Variants in NEDD4L observed in about 807,000 individuals in gnomAD.
NEDD4L encodes the protein E3 ubiquitin-protein ligase NEDD4-like.
In NEDD4L, 54 loss-of-function variants were observed where a neutral mutation model predicts 148.9. The ratio of observed to expected loss-of-function variants is 0.36; its 90% CI spans 0.29 to 0.45. The LOEUF is 0.45. NEDD4L is among the 20% of genes least tolerant of loss of function. The pLI, the probability that NEDD4L is intolerant of heterozygous loss-of-function variation, is 1.00. For synonymous variants in NEDD4L, 433 were observed against 440.7 expected (o/e 0.98, Z 0.22); for missense variants, 856 against 1,233.8 (o/e 0.69, Z 4.59).
At chr18:58,243,822 C>T (rs889958296) in intron 2 of NEDD4L, among the ~76,000 whole-genome samples, 1 of 151,676 alleles carries the variant, frequency 6.6e-6, no homozygotes, top group Non-Finnish European at 1.5e-5. Context: ...TAATACCTTC[C>T]AAACCATAAT....
At chr18:58,182,870 A>T (rs1018282007) in intron 2 of NEDD4L, among the ~76,000 whole-genome samples, 2 of 152,274 alleles carry the variant, frequency 1.3e-5, no homozygotes, top group Middle Eastern at 3.4e-3. Flanking sequence ...TAAATTCTGC[A>T]TTCCTTTATT....
intron 6 of NEDD4L, among the ~76,000 whole-genome samples, chr18:58,322,184 A>T (rs1004927920): frequency 6.6e-6 from 1 of 152,176 alleles, no homozygotes; most frequent in African/African-American, 2.4e-5. Context: ...TGGCAATGAC[A>T]GCTGTAATTT....
At chr18:58,369,146 T>C (rs13381932) in intron 22 of NEDD4L, among the ~76,000 whole-genome samples, 22,684 of 152,180 alleles carry the variant, frequency 0.15, 1,940 homozygotes, top group South Asian at 0.29. Context: ...GAAAGTGACT[T>C]GGCTGGAGGC....
rs759239313 is a variant in NEDD4L, at chr18:58,370,383, T to A, written c.2186-14T>A. On this transcript the variant is annotated splice_polypyrimidine_tract_variant and intron_variant, in intron 22 of 30. Coordinates refer to ENST00000400345, the MANE Select transcript of NEDD4L (RefSeq NM_001144967.3). ...AAAGACCTGAAACTAAACCCAGTGT[T>A]TACCGTGTTTTAGGTTTCTTCATTA... 2.3e-5 allele frequency: 36 copies of A among 1,565,656 alleles called. No individual in the cohort carries two copies. In the East Asian group the frequency reaches 8.1e-4, roughly 35 times the overall value.
chr18:58,387,625 T>C, intron 27 of NEDD4L, 127 bp downstream of exon 27: 1 of 1,082,584 alleles, frequency 9.2e-7, no homozygotes, highest in Non-Finnish European at 1.3e-6. Context: ...TGAATTATAT[T>C]ACATGTCTCT....
chr18:58,150,305 G>T (rs2034560617), intron 1 of NEDD4L, among the ~76,000 whole-genome samples: 1 of 152,190 alleles, frequency 6.6e-6, no homozygotes, highest in South Asian at 2.1e-4. Context: ...CATAATCTCG[G>T]CCCACTGCAA....
intron 22 of NEDD4L, among the ~76,000 whole-genome samples, chr18:58,368,115 AT>A (rs1356981664): frequency 1.3e-5 from 2 of 152,200 alleles, no homozygotes; most frequent in Admixed American, 1.3e-4. Context: ...AACATTATGT[AT>A]TTATACATTT....
rs2050760127 is a variant in NEDD4L, at chr18:58,400,172, AG to A, written c.*3906del. 1 of 152,262 alleles carries A rather than the reference AG, an allele frequency of 6.6e-6. No individual in the cohort carries two copies. The highest frequency in any genetic ancestry group is 1.5e-5 in the Non-Finnish European group (1 of 68,118). 9.4% of individuals were successfully genotyped at this position (152,262 alleles called of 1,614,324 possible). A position where few individuals can be genotyped will look rare whatever the true frequency, so the allele number is the denominator to read the frequency against. ...GTATCATTTGCTGCCTCGCCAGTAGAGGGTGCCGCTGTGCAGGGTAACTGCC... is the reference window on the plus strand; with the variant it reads ...GTATCATTTGCTGCCTCGCCAGTAGAGGTGCCGCTGTGCAGGGTAACTGCC... On this transcript the variant is annotated 3_prime_UTR_variant, in exon 31 of 31. Coordinates refer to ENST00000400345, the MANE Select transcript of NEDD4L (RefSeq NM_001144967.3).
chr18:58,392,787 G>A (rs370881680), intron 30 of NEDD4L, among the ~76,000 whole-genome samples: 24 of 152,314 alleles, frequency 1.6e-4, no homozygotes, highest in African/African-American at 4.1e-4. Flanking sequence ...AGGCACCAGC[G>A]TTGAGCCAAG....
intron 7 of NEDD4L, among the ~76,000 whole-genome samples, chr18:58,323,000 G>A (rs1215597669): frequency 7.5e-6 from 1 of 134,020 alleles, no homozygotes; most frequent in African/African-American, 2.9e-5. Context: ...GCGTGCTGTG[G>A]GTATAGGTGG....
chr18:58,124,126 C>A (rs1179687263), intron 1 of NEDD4L, among the ~76,000 whole-genome samples: 1 of 152,136 alleles, frequency 6.6e-6, no homozygotes, highest in African/African-American at 2.4e-5. Flanking sequence ...TCCGATTGCC[C>A]CTTCCAGTCT....
chr18:58,116,178 G>A (rs1434933031), intron 1 of NEDD4L, among the ~76,000 whole-genome samples: 6 of 152,168 alleles, frequency 3.9e-5, no homozygotes, highest in African/African-American at 9.7e-5. Context: ...TGATTACAGC[G>A]CTTCTTCCAG....
chr18:58,110,649 A>T (rs2085362359), intron 1 of NEDD4L, among the ~76,000 whole-genome samples: 1 of 152,142 alleles, frequency 6.6e-6, no homozygotes, highest in Admixed American at 6.6e-5. Context: ...CCTGAGAGAG[A>T]AGCCTTTGTT....
intron 1 of NEDD4L, among the ~76,000 whole-genome samples, chr18:58,061,842 TTA>T (rs1375801183): frequency 6.6e-6 from 1 of 152,176 alleles, no homozygotes; most frequent in Non-Finnish European, 1.5e-5. Context: ...CTTTTGAGAA[TTA>T]GTTTGTTTTA....
intron 18 of NEDD4L, chr18:58,351,286 T>G (rs963106006): frequency 2.2e-5 from 13 of 580,146 alleles, no homozygotes; most frequent in African/African-American, 1.0e-4. Flanking sequence ...CGTGTTTTTT[T>G]TTGTTGTTGA....
intron 1 of NEDD4L, among the ~76,000 whole-genome samples, chr18:58,089,668 A>C (rs751705006): frequency 3.3e-5 from 5 of 152,162 alleles, no homozygotes; most frequent in African/African-American, 4.8e-5. Context: ...AGGGTTCATC[A>C]GCTAGGGCTG....
chr18:58,082,330 A>G (rs1271474157), intron 1 of NEDD4L, among the ~76,000 whole-genome samples: 1 of 146,224 alleles, frequency 6.8e-6, no homozygotes, highest in African/African-American at 2.5e-5. Flanking sequence ...CTGGGCTCGA[A>G]CTTCTGACCT....
chr18:58,152,145 C>T (rs988835073), intron 1 of NEDD4L, among the ~76,000 whole-genome samples: 2 of 151,952 alleles, frequency 1.3e-5, no homozygotes, highest in African/African-American at 4.8e-5. Flanking sequence ...CAATTGTACT[C>T]AAGATGAAAA....
chr18:58,314,783 AT>A (rs2058085588), intron 5 of NEDD4L, among the ~76,000 whole-genome samples: 2 of 152,178 alleles, frequency 1.3e-5, no homozygotes, highest in Non-Finnish European at 2.9e-5. Flanking sequence ...TCCAGAATGG[AT>A]TGTTTAGAGG....
Sources: allele counts gnomAD v4.1 joint callset (sites outside exome capture counted in the v4.1 genomes callset), GRCh38; gene constraint gnomAD v4.1.1; transcripts MANE v1.5; gene names NCBI Gene and HGNC (gene_info 2026-07-23, HGNC 2026-07-21).